TTC19: variants seen among roughly 807,000 people sequenced by gnomAD.
TTC19 encodes the protein tetratricopeptide repeat protein 19, mitochondrial.
In TTC19, 38 loss-of-function variants were observed where a neutral mutation model predicts 49.5. The ratio of observed to expected loss-of-function variants is 0.77; its 90% confidence interval spans 0.59 to 1.01. The LOEUF (loss-of-function observed/expected upper bound fraction) is 1.01, where lower values mean the gene tolerates loss of function less well. Ranked by LOEUF, TTC19 falls within the 50% of genes least tolerant of loss-of-function variation. TTC19 has a pLI of 0.00. For synonymous variants in TTC19, 204 were observed against 185.2 expected, an observed-to-expected ratio of 1.10 and a Z score of -0.83; for missense variants, 475 against 477.7, an observed-to-expected ratio of 0.99 and a Z score of 0.05.
chr17:16,006,460 AT>A lies in TTC19; in HGVS notation c.582-10del. On this transcript the variant is annotated splice_polypyrimidine_tract_variant and intron_variant, in intron 6 of 9. Coordinates refer to ENST00000261647, the MANE Select transcript of TTC19 (RefSeq NM_017775.4). ...AGAAAAGGTAAATGGCTGATTATTGATTTTGCTTTACAGACAGGAATTTGCT... is the reference window on the plus strand; with the variant it reads ...AGAAAAGGTAAATGGCTGATTATTGATTTGCTTTACAGACAGGAATTTGCT... 6.4e-7 allele frequency: 1 copy of A among 1,567,606 alleles called. No individual in the cohort carries two copies. The highest frequency in any genetic ancestry group is 8.8e-7 in the Non-Finnish European group (1 of 1,138,334).
In TTC19 at chr17:16,018,679, G is replaced by A. The variant is rs773501660; in HGVS notation, c.677-6338G>A. 1.1e-4 allele frequency among the ~76,000 whole-genome samples: 16 copies of A among 151,732 alleles called. No homozygotes were observed. The South Asian group carries it at 1.2e-3, about 12-fold the overall frequency. ...ATGTCACCATGCCTGGCTAATTTCC[G>A]GATTTTTTCATAGAGGCGGAGTTTC... is the stretch of plus-strand genomic sequence containing the variant. On this transcript the variant is annotated intron_variant, in intron 7 of 9. Coordinates refer to ENST00000261647, the MANE Select transcript of TTC19 (RefSeq NM_017775.4).
chr17:16,013,007 C>T (rs954208543), intron 7 of TTC19, among the ~76,000 whole-genome samples: 2 of 152,022 alleles, frequency 1.3e-5, no homozygotes, highest in Non-Finnish European at 2.9e-5. Context: ...GTTTTGAGAC[C>T]AGACTGGGCA....
chr17:16,027,492 T>G lies in TTC19; in HGVS notation c.1113T>G (p.Ser371Arg). The change falls in exon 10 of 10, where the codon AGT becomes AGG. Residue 371 changes from serine (S) to arginine (R), a missense_variant. Transcript: ENST00000261647. ...REELAELSKK[S>R]RPLTNSVKL ...AGTTGGCTGAGCTGTCAAAGAAAAG[T>G]AGACCTTTGACAAATTCTGTCAAGC... 1 of 1,614,088 alleles carries G rather than the reference T, an allele frequency of 6.2e-7. No homozygotes were observed. Among genetic ancestry groups the G allele is most frequent in the South Asian group, 1.1e-5 (1 of 91,080 alleles).
intron 7 of TTC19, chr17:16,024,126 A>G (rs1971469025): frequency 6.6e-6 from 1 of 152,160 alleles, no homozygotes; most frequent in Non-Finnish European, 1.5e-5. Context: ...ACCGTTCTCT[A>G]GATCTGTGTC....
At chr17:16,030,493 GA>G (rs553006446), downstream of TTC19, 2,121 of 180,836 alleles carry the variant, frequency 0.012, 18 homozygotes, top group African/African-American at 0.027. Context: ...ACCAGTACCT[GA>G]AAAAAAAAAA....
rs755101626 is a variant in TTC19 at position 15,999,839 on chromosome 17, C to T, written c.-10C>T. 110 of 1,530,024 alleles carry T rather than the reference C, an allele frequency of 7.2e-5. No homozygotes were observed. Among genetic ancestry groups the T allele is most frequent in the Non-Finnish European group, 9.2e-5 (105 of 1,146,768 alleles). 94.8% of individuals were successfully genotyped at this position (1,530,024 alleles called of 1,614,324 possible). ...TCTGGCCTGCAGTGCGCAGAGGACG[C>T]GGCGGGAGCATGTTCCGGCTCCTGA... On this transcript the variant is annotated 5_prime_UTR_variant, in exon 1 of 10. Transcript: ENST00000261647.
At chr17:16,040,216 AAT>A in intron 2 of TTC19, 1 of 640,560 alleles carries the variant, frequency 1.6e-6, no homozygotes, top group Non-Finnish European at 2.9e-6. Flanking sequence ...AGTGTTCTTT[AAT>A]AGTTTCATTC....
At chr17:16,024,583 G>A (rs958919707) in intron 7 of TTC19, 1 of 237,906 alleles carries the variant, frequency 4.2e-6, no homozygotes, top group South Asian at 4.9e-5. Flanking sequence ...GTGATTACAG[G>A]TGTGAGCCAC....
At chr17:16,015,701 C>T (rs2151665544) in intron 7 of TTC19, among the ~76,000 whole-genome samples, 1 of 152,262 alleles carries the variant, frequency 6.6e-6, no homozygotes, top group East Asian at 1.9e-4. Flanking sequence ...AGTTATTTAA[C>T]TTCTCTGTTC....
intron 2 of TTC19, chr17:16,040,378 T>C (rs2057340254): frequency 6.7e-6 from 9 of 1,344,016 alleles, no homozygotes; most frequent in Non-Finnish European, 9.6e-6. Flanking sequence ...TCAGTACATA[T>C]TTGTTGGACT....
At chr17:16,039,330 A>T (rs748379342) in intron 2 of TTC19, 1 of 1,143,758 alleles carries the variant, frequency 8.7e-7, no homozygotes, top group African/African-American at 1.5e-5. Context: ...CTCTGAGCAC[A>T]TAAAGACATA....
chr17:16,040,647 T>A lies in TTC19; in HGVS notation c.248-3856T>A. The A allele has an allele frequency of 3.9e-6, 3 of 768,100 alleles. No homozygotes were observed. The East Asian group carries it at 8.3e-5, about 21-fold the overall frequency. 47.6% of individuals were successfully genotyped at this position (768,100 alleles called of 1,614,324 possible). ...CCATTAAGTGAAGATAAAATGGAAG[T>A]ATTTTTTTTTTTTGAGACAGGGTCT... On this transcript the variant is annotated intron_variant, in intron 2 of 2. Coordinates refer to the TTC19 transcript ENST00000470649.
intron 2 of TTC19, among the ~76,000 whole-genome samples, chr17:16,042,887 T>C (rs1434719688): frequency 6.6e-6 from 1 of 152,206 alleles, no homozygotes; most frequent in Non-Finnish European, 1.5e-5. Flanking sequence ...TAGGAAAAGC[T>C]GGGCTACAGA....
chr17:16,002,570 A>C (rs1970773011), intron 3 of TTC19: 2 of 577,010 alleles, frequency 3.5e-6, no homozygotes, highest in African/African-American at 1.9e-5. Flanking sequence ...TTTAATGATG[A>C]GTGGACCTAG....
At chr17:16,004,392 C>T (rs1970831604) in intron 6 of TTC19, 130 bp downstream of exon 6, 3 of 879,750 alleles carry the variant, frequency 3.4e-6, no homozygotes, top group East Asian at 2.5e-5. Flanking sequence ...GTGTTCCATC[C>T]CTCATCTTTG....
In TTC19 at chr17:16,027,944, C is replaced by A; in HGVS notation, c.*422C>A. 3 of 454,918 alleles carry A rather than the reference C, an allele frequency of 6.6e-6. No individual in the cohort carries two copies. Among genetic ancestry groups the A allele is most frequent in the Non-Finnish European group, 1.3e-5 (3 of 227,340 alleles). 28.2% of individuals were successfully genotyped at this position (454,918 alleles called of 1,614,324 possible). A position where few individuals can be genotyped will look rare whatever the true frequency, so the allele number is the denominator to read the frequency against. On this transcript the variant is annotated 3_prime_UTR_variant, in exon 10 of 10. Coordinates refer to ENST00000261647, the MANE Select transcript of TTC19 (RefSeq NM_017775.4). The stretch of plus-strand genomic sequence containing the variant: ...CTTTATCAATACCTGGCAAACTGAC[C>A]AGAATTACCTTCCTCATGGCAAAGG...
At chr17:16,031,278 A>C (rs777293742), downstream of TTC19, 1 of 195,026 alleles carries the variant, frequency 5.1e-6, no homozygotes, top group Non-Finnish European at 1.1e-5. Context: ...GCTTATCTAA[A>C]TACTACACAG....
chr17:16,040,726 G>T (rs2057404326), intron 2 of TTC19: 1 of 554,642 alleles, frequency 1.8e-6, no homozygotes, highest in Non-Finnish European at 3.3e-6. Flanking sequence ...GGTAAGGTAG[G>T]AACATCAAAA....
At chr17:16,039,213 G>A (rs954493480) in intron 2 of TTC19, 2 of 549,852 alleles carry the variant, frequency 3.6e-6, no homozygotes, top group African/African-American at 1.9e-5. Context: ...TCCCAGGAGG[G>A]TGACACTTTG....
Sources: allele counts gnomAD v4.1 joint callset (sites outside exome capture counted in the v4.1 genomes callset), GRCh38; gene constraint gnomAD v4.1.1; transcripts MANE v1.5; gene names NCBI Gene and HGNC (gene_info 2026-07-23, HGNC 2026-07-21).